SNTB2: variants seen among roughly 807,000 people sequenced by gnomAD.
SNTB2 encodes the protein syntrophin beta 2, also known as beta-2-syntrophin.
SNTB2 carries 34 observed loss-of-function variants against 46.2 expected under a neutral mutation model. That is an observed-to-expected ratio of 0.74 (90% CI 0.56 to 0.98). SNTB2 has a LOEUF of 0.98. SNTB2 is among the 50% of genes least tolerant of loss of function. The pLI, the probability that SNTB2 is intolerant of heterozygous loss-of-function variation, is 0.00. For synonymous variants in SNTB2, 290 were observed against 312.6 expected (o/e 0.93, Z 0.76); for missense variants, 603 against 731.4 (o/e 0.82, Z 2.02).
intron 1 of SNTB2, among the ~76,000 whole-genome samples, chr16:69,237,387 C>T (rs1964568605): frequency 6.6e-6 from 1 of 151,950 alleles, no homozygotes; most frequent in Non-Finnish European, 1.5e-5. Context: ...ATTGATAACC[C>T]TTTAGAATGC....
intron 1 of SNTB2, among the ~76,000 whole-genome samples, chr16:69,192,827 C>T (rs1964067933): frequency 6.6e-6 from 1 of 151,864 alleles, no homozygotes; most frequent in African/African-American, 2.4e-5. Context: ...CATAGATTTG[C>T]CTTTTAAAAT....
chr16:69,214,058 C>CAA (rs1964319012), intron 1 of SNTB2, among the ~76,000 whole-genome samples: 3 of 146,094 alleles, frequency 2.1e-5, no homozygotes, highest in South Asian at 2.2e-4. Context: ...CTCCTGACCT[C>CAA]GTGATCCACC....
intron 4 of SNTB2, among the ~76,000 whole-genome samples, chr16:69,281,593 G>A (rs985587558): frequency 6.6e-6 from 1 of 150,382 alleles, no homozygotes. Context: ...GCTCACGCCT[G>A]TAATCCCAGC....
chr16:69,255,576 AAG>A (rs1567408236), intron 2 of SNTB2, among the ~76,000 whole-genome samples: 4 of 151,164 alleles, frequency 2.6e-5, no homozygotes, highest in Non-Finnish European at 4.4e-5. Flanking sequence ...AAAAAAAAGA[AAG>A]AAAGAAAAAT....
Position 69,303,151 on chromosome 16 carries a change from G to C in SNTB2, c.*2227G>C, listed in dbSNP as rs1965290216. On this transcript the variant is annotated 3_prime_UTR_variant, in exon 7 of 7. Coordinates refer to ENST00000336278, the MANE Select transcript of SNTB2 (RefSeq NM_006750.4). ...CAAAGTGCTGGGATTATAGGTGTGA[G>C]CCCCCGTGCCTGGCCCACAATAAAT... The C allele has an allele frequency of 6.6e-6, 1 of 152,146 alleles. No individual in the cohort carries two copies. Among genetic ancestry groups the C allele is most frequent in the African/African-American group, 2.4e-5 (1 of 41,426 alleles). The allele number at this position is 152,146 out of a possible 1,614,324, so 9.4% of individuals were successfully genotyped here.
chr16:69,252,535 C>A (rs74025400), intron 2 of SNTB2, among the ~76,000 whole-genome samples: 27 of 152,256 alleles, frequency 1.8e-4, no homozygotes, highest in African/African-American at 6.3e-4. Flanking sequence ...TTCACATTGG[C>A]AATTTTCCAT....
intron 5 of SNTB2, among the ~76,000 whole-genome samples, chr16:69,293,462 G>A (rs1965193692): frequency 6.6e-6 from 1 of 152,188 alleles, no homozygotes; most frequent in East Asian, 1.9e-4. Flanking sequence ...TTAGCGATAT[G>A]GAGATAATTG....
chr16:69,211,190 A>C (rs577760035), intron 1 of SNTB2, among the ~76,000 whole-genome samples: 1 of 152,098 alleles, frequency 6.6e-6, no homozygotes, highest in East Asian at 1.9e-4. Flanking sequence ...GAAAGCAATG[A>C]AAAAAAATCT....
intron 1 of SNTB2, among the ~76,000 whole-genome samples, chr16:69,207,667 A>G (rs1017370868): frequency 1.3e-5 from 2 of 152,190 alleles, no homozygotes; most frequent in Admixed American, 6.6e-5. Flanking sequence ...CAGGCTGACA[A>G]TACTTTTGTT....
rs923323036 is a variant in SNTB2 at position 69,245,599 on chromosome 16, T to C, written c.581-3T>C. Reference sequence around the variant, plus strand: ...CCTTCTTCTTTGATTTTTTTGTTCATAGTCAAGTTCATCCGAGAAGTAACA... The same window carrying C: ...CCTTCTTCTTTGATTTTTTTGTTCACAGTCAAGTTCATCCGAGAAGTAACA... On this transcript the variant is annotated splice_region_variant and splice_polypyrimidine_tract_variant and intron_variant, in intron 1 of 6. Coordinates refer to ENST00000336278, the MANE Select transcript of SNTB2 (RefSeq NM_006750.4). 1.9e-6 allele frequency: 3 copies of C among 1,613,668 alleles called. No homozygotes were observed. The highest frequency in any genetic ancestry group is 2.5e-6 in the Non-Finnish European group (3 of 1,179,734).
At chr16:69,196,391 T>C (rs895189948) in intron 1 of SNTB2, among the ~76,000 whole-genome samples, 1 of 151,286 alleles carries the variant, frequency 6.6e-6, no homozygotes, top group Admixed American at 6.6e-5. Context: ...TTTTTTTTTT[T>C]TGAGATGGGG....
intron 2 of SNTB2, among the ~76,000 whole-genome samples, chr16:69,258,811 C>T (rs923908350): frequency 4.6e-5 from 7 of 151,858 alleles, no homozygotes; most frequent in Non-Finnish European, 8.8e-5. Context: ...CAGGGTTTAG[C>T]CATGTTGGCC....
intron 1 of SNTB2, among the ~76,000 whole-genome samples, chr16:69,214,121 C>T (rs1006043837): frequency 3.4e-5 from 5 of 147,320 alleles, no homozygotes; most frequent in African/African-American, 5.0e-5. Context: ...CCACGCCCAG[C>T]CTTTTATTTT....
intron 1 of SNTB2, among the ~76,000 whole-genome samples, chr16:69,236,272 CTT>C (rs1021860566): frequency 3.9e-5 from 6 of 152,160 alleles, no homozygotes; most frequent in African/African-American, 7.2e-5. Context: ...CATAGAGACT[CTT>C]TTAAATCGGG....
At chr16:69,201,775 G>A (rs1487043533) in intron 1 of SNTB2, among the ~76,000 whole-genome samples, 1 of 152,124 alleles carries the variant, frequency 6.6e-6, no homozygotes, top group Non-Finnish European at 1.5e-5. Context: ...CGTATTTGGA[G>A]GGTAATAATT....
chr16:69,210,590 G>A (rs1964273647), intron 1 of SNTB2, among the ~76,000 whole-genome samples: 1 of 151,956 alleles, frequency 6.6e-6, no homozygotes, highest in South Asian at 2.1e-4. Flanking sequence ...CTGGAGTGCA[G>A]TAGTGTGATC....
At chr16:69,199,732 C>CT (rs1043213115) in intron 1 of SNTB2, among the ~76,000 whole-genome samples, 2 of 150,792 alleles carry the variant, frequency 1.3e-5, no homozygotes, top group African/African-American at 4.9e-5. Context: ...TTCATTTGTT[C>CT]TTTAGTGAAT....
At chr16:69,214,593 C>A (rs1964328082) in intron 1 of SNTB2, among the ~76,000 whole-genome samples, 1 of 152,022 alleles carries the variant, frequency 6.6e-6, no homozygotes, top group Admixed American at 6.6e-5. Flanking sequence ...GTGGCACGAT[C>A]TTGGCTCACT....
At chr16:69,224,447 A>G (rs1348759147) in intron 1 of SNTB2, among the ~76,000 whole-genome samples, 2 of 151,966 alleles carry the variant, frequency 1.3e-5, no homozygotes, top group Admixed American at 1.3e-4. Flanking sequence ...TCCTGACCTC[A>G]TGATCCGCTT....
Sources: gnomAD v4.1 joint callset for allele counts (sites outside exome capture counted in the v4.1 genomes callset) on GRCh38, gnomAD v4.1.1 for gene constraint, MANE v1.5 for transcripts, NCBI Gene and HGNC (gene_info 2026-07-23, HGNC 2026-07-21) for gene names.